The following SUGCT variants were observed in gnomAD, a reference collection of about 807,000 sequenced individuals.
The protein encoded by SUGCT is succinyl-CoA:glutarate CoA-transferase.
SUGCT carries 41 observed loss-of-function variants against 55.0 expected under a neutral mutation model. The ratio of observed to expected loss-of-function variants is 0.74; its 90% confidence interval spans 0.58 to 0.97. The LOEUF (loss-of-function observed/expected upper bound fraction) is 0.97, where lower values mean the gene tolerates loss of function less well. Among genes scored for constraint, SUGCT ranks in the 50% least tolerant of loss-of-function variants. SUGCT has a pLI of 0.00. For synonymous variants in SUGCT, 187 were observed against 200.4 expected, an observed-to-expected ratio of 0.93 and a Z score of 0.56; for missense variants, 568 against 547.8, an observed-to-expected ratio of 1.04 and a Z score of -0.37.
chr7:40,169,778 T>C (rs1204821544), intron 1 of SUGCT, among the ~76,000 whole-genome samples: 1 of 151,866 alleles, frequency 6.6e-6, no homozygotes, highest in Non-Finnish European at 1.5e-5. Flanking sequence ...TTCTGCCTGC[T>C]CCTCCTGATC....
intron 12 of SUGCT, among the ~76,000 whole-genome samples, chr7:40,668,734 G>T (rs139572930): frequency 1.3e-5 from 2 of 152,176 alleles, no homozygotes; most frequent in East Asian, 3.9e-4. Context: ...ACCCTAATAG[G>T]CCATGGACAA....
intron 12 of SUGCT, among the ~76,000 whole-genome samples, chr7:40,511,968 A>T (rs1391912020): frequency 6.6e-6 from 1 of 152,218 alleles, no homozygotes; most frequent in Non-Finnish European, 1.5e-5. Context: ...GTTCAAATCA[A>T]ATCTATTCTC....
the SUGCT span, among the ~76,000 whole-genome samples, chr7:40,872,558 C>T: frequency 6.6e-6 from 1 of 152,200 alleles, no homozygotes; most frequent in Non-Finnish European, 1.5e-5. Flanking sequence ...CAGGCCGCAT[C>T]CCCCTCTGGG....
intron 12 of SUGCT, among the ~76,000 whole-genome samples, chr7:40,636,602 T>A (rs760005855): frequency 1.1e-4 from 17 of 152,082 alleles, no homozygotes; most frequent in Non-Finnish European, 2.2e-4. Flanking sequence ...GACAGTAAAC[T>A]AGAGGCTGCC....
chr7:40,884,404 A>G, the SUGCT span, among the ~76,000 whole-genome samples: 1 of 152,160 alleles, frequency 6.6e-6, no homozygotes, highest in Non-Finnish European at 1.5e-5. Flanking sequence ...ATGGTTTTGG[A>G]TCCCTGGAGA....
At chr7:41,006,173 C>T in the SUGCT span, among the ~76,000 whole-genome samples, 6 of 152,312 alleles carry the variant, frequency 3.9e-5, no homozygotes, top group East Asian at 1.9e-4. Flanking sequence ...GCCTTTCAAG[C>T]GCTTTATCCT....
chr7:40,732,920 A>G (rs1245067391), intron 12 of SUGCT, among the ~76,000 whole-genome samples: 5 of 151,876 alleles, frequency 3.3e-5, no homozygotes, highest in African/African-American at 1.2e-4. Context: ...TGCAACCCCA[A>G]CTCTACTAAA....
intron 12 of SUGCT, among the ~76,000 whole-genome samples, chr7:40,521,505 T>C (rs1583888116): frequency 1.3e-5 from 2 of 152,070 alleles, no homozygotes; most frequent in East Asian, 3.9e-4. Flanking sequence ...AAGGCATAGG[T>C]TACTGACCAG....
chr7:40,679,070 G>A lies in SUGCT; in HGVS notation c.1090-70364G>A, dbSNP rs183245612. Among the ~76,000 whole-genome samples, 41 of 152,242 alleles carry A rather than the reference G, an allele frequency of 2.7e-4. No homozygotes were observed. The East Asian group carries it at 7.9e-3, about 29-fold the overall frequency. Reference sequence around the variant, plus strand: ...CATAAGAGTACTTTGCAGAGCCCAGGCCACCCTTCTGAAGGGTTCAGGCCA... The same window carrying A: ...CATAAGAGTACTTTGCAGAGCCCAGACCACCCTTCTGAAGGGTTCAGGCCA... On this transcript the variant is annotated intron_variant, in intron 12 of 13. Transcript: ENST00000335693.
Position 40,723,184 on chromosome 7 carries a change from G to C in SUGCT, c.1090-26250G>C, listed in dbSNP as rs547965318. ...GAGGCTGGACCTTAGGCACTCAGCT[G>C]GCTCTGTATACACAATCTCCAATTT... On this transcript the variant is annotated intron_variant, in intron 12 of 13. Transcript: ENST00000335693. Among the ~76,000 whole-genome samples, 3 of 151,684 alleles carry C rather than the reference G, an allele frequency of 2.0e-5. No homozygotes were observed. In the East Asian group the frequency reaches 5.8e-4, roughly 29 times the overall value.
the SUGCT span, among the ~76,000 whole-genome samples, chr7:41,032,778 G>A: frequency 6.6e-6 from 1 of 152,124 alleles, no homozygotes; most frequent in African/African-American, 2.4e-5. Context: ...TTATTTGTTT[G>A]TTTTGAGACG....
intron 12 of SUGCT, among the ~76,000 whole-genome samples, chr7:40,598,431 G>A (rs940484898): frequency 6.6e-6 from 1 of 152,198 alleles, no homozygotes. Flanking sequence ...AGCATGCCAG[G>A]TCATTACTAT....
intron 13 of SUGCT, among the ~76,000 whole-genome samples, chr7:40,811,926 T>G (rs1232240124): frequency 1.3e-5 from 2 of 152,158 alleles, no homozygotes; most frequent in African/African-American, 2.4e-5. Flanking sequence ...ATGACTATTT[T>G]GATGTATGTT....
the SUGCT span, among the ~76,000 whole-genome samples, chr7:40,931,221 C>T: frequency 6.6e-6 from 1 of 152,118 alleles, no homozygotes; most frequent in African/African-American, 2.4e-5. Context: ...TGATGGATTA[C>T]ATTTATTGAT....
chr7:40,913,198 G>A, the SUGCT span, among the ~76,000 whole-genome samples: 1 of 151,922 alleles, frequency 6.6e-6, no homozygotes, highest in African/African-American at 2.4e-5. Flanking sequence ...TTTTAGTAGA[G>A]ACGGGGTTTC....
At chr7:40,590,774 G>A (rs1366001162) in intron 12 of SUGCT, among the ~76,000 whole-genome samples, 1 of 152,048 alleles carries the variant, frequency 6.6e-6, no homozygotes, top group Non-Finnish European at 1.5e-5. Context: ...CAAATCTTAG[G>A]GCCCTTAGGA....
chr7:40,135,247 C>T lies in SUGCT; in HGVS notation c.100+127C>T, dbSNP rs373935992. 149 of 1,184,962 alleles carry T rather than the reference C, an allele frequency of 1.3e-4. 1 individual carries two copies. In the African/African-American group the frequency reaches 1.8e-3, roughly 14 times the overall value. The allele number at this position is 1,184,962 out of a possible 1,614,324, so 73.4% of individuals were successfully genotyped here. A position where few individuals can be genotyped will look rare whatever the true frequency, so the allele number is the denominator to read the frequency against. ...ACCCCTTAGCGGTGGCTTTGCTCGCCTCCCTGCAACCCCGTTCCGTGGGCC... is the reference window on the plus strand; with the variant it reads ...ACCCCTTAGCGGTGGCTTTGCTCGCTTCCCTGCAACCCCGTTCCGTGGGCC... On this transcript the variant is annotated intron_variant, in intron 1 of 13. Transcript: ENST00000335693.
intron 8 of SUGCT, among the ~76,000 whole-genome samples, chr7:40,294,188 G>T (rs192729119): frequency 6.6e-6 from 1 of 152,150 alleles, no homozygotes; most frequent in Non-Finnish European, 1.5e-5. Flanking sequence ...GACCTCAGGT[G>T]ATCCGCCTGC....
intron 12 of SUGCT, among the ~76,000 whole-genome samples, chr7:40,718,255 A>G (rs926089707): frequency 7.2e-5 from 11 of 152,208 alleles, no homozygotes; most frequent in Non-Finnish European, 7.3e-5. Context: ...AACCTCTGCA[A>G]CCAAATCCAA....
Sources: gnomAD v4.1 joint callset for allele counts (sites outside exome capture counted in the v4.1 genomes callset) on GRCh38, gnomAD v4.1.1 for gene constraint, MANE v1.5 for transcripts, NCBI Gene and HGNC (gene_info 2026-07-23, HGNC 2026-07-21) for gene names.